BRCA1: variants seen among roughly 807,000 people sequenced by gnomAD.
BRCA1 encodes the protein BRCA1 DNA repair associated, also known as breast cancer type 1 susceptibility protein.
BRCA1 carries 140 observed loss-of-function variants against 173.7 expected under a neutral mutation model. The observed-to-expected ratio is 0.81, with a 90% confidence interval of 0.70 to 0.93. The LOEUF is 0.93. Ranked by LOEUF, BRCA1 falls within the 40% of genes least tolerant of loss-of-function variation. The pLI is 0.00. For missense variants in BRCA1, 1,983 were observed against 2,172.5 expected (o/e 0.91, Z 1.73); for synonymous variants, 662 against 756.0 (o/e 0.88, Z 2.04).
At chr17:43,106,601 C>A (rs1006091410) in intron 3 of BRCA1, 68 bp from the exon 4 acceptor site, 1 of 1,189,546 alleles carries the variant, frequency 8.4e-7, no homozygotes, top group African/African-American at 1.5e-5. Context: ...ACTCAAAAGG[C>A]AAATAGCCAT....
At chr17:43,049,085 G>T (rs1291031991) in intron 21 of BRCA1, 36 bp downstream of exon 21, 1 of 1,589,474 alleles carries the variant, frequency 6.3e-7, no homozygotes, top group South Asian at 1.1e-5. Context: ...AGAGAATATT[G>T]TGTCCTCCCT....
chr17:43,102,078 G>GTT (rs898927264), intron 6 of BRCA1, among the ~76,000 whole-genome samples: 50 of 143,892 alleles, frequency 3.5e-4, no homozygotes, highest in African/African-American at 1.2e-3. Flanking sequence ...AAGTTTTTTT[G>GTT]TTTTTTTTTT....
In BRCA1 at chr17:43,091,665, G is replaced by T; in HGVS notation, c.3866C>A (p.Thr1289Lys). 1 of 1,614,184 alleles carries T rather than the reference G, an allele frequency of 6.2e-7. No individual in the cohort carries two copies. Among genetic ancestry groups the T allele is most frequent in the Non-Finnish European group, 8.5e-7 (1 of 1,180,022 alleles). Reference sequence around the variant, plus strand: ...AGAAAACAAGCTAGCAGAACATTTTGTTTCCTCACTAAGGTGATGTTCCTG... The same window carrying T: ...AGAAAACAAGCTAGCAGAACATTTTTTTTCCTCACTAAGGTGATGTTCCTG... The part of the protein sequence containing the change: ...ASQEHHLSEE[T>K]KCSASLFSSQ... Residue 1289 changes from threonine to lysine, a missense_variant, in exon 10 of 23, where the codon ACA (threonine) becomes AAA (lysine). Physicochemically the swap from Thr to Lys is moderately conservative, Grantham distance 78. Transcript: ENST00000357654.
chr17:43,137,104 A>G (rs1255995862), intron 1 of BRCA1, among the ~76,000 whole-genome samples: 2 of 152,122 alleles, frequency 1.3e-5, no homozygotes, highest in East Asian at 3.8e-4. Flanking sequence ...TGCAGTCCTA[A>G]AAAATGATGA....
intron 3 of BRCA1, 152 bp downstream of exon 3, chr17:43,115,574 A>G (rs1238312648): frequency 2.7e-6 from 2 of 733,798 alleles, no homozygotes; most frequent in East Asian, 2.8e-5. Flanking sequence ...TTTGATAACT[A>G]TATACTCTCT....
At chr17:43,166,028 C>T (rs2056264437) in intron 1 of BRCA1, 1 of 151,760 alleles carries the variant, frequency 6.6e-6, no homozygotes, top group Admixed American at 6.6e-5. Flanking sequence ...GTATAGATGG[C>T]TTTTTTTTCT....
chr17:43,143,018 A>G (rs1034470027), intron 1 of BRCA1, among the ~76,000 whole-genome samples: 4 of 149,734 alleles, frequency 2.7e-5, no homozygotes, highest in Non-Finnish European at 5.9e-5. Context: ...GTGTGCATAT[A>G]TATGTATATA....
chr17:43,153,480 T>C (rs890586479), intron 1 of BRCA1: 1 of 152,226 alleles, frequency 6.6e-6, no homozygotes, highest in African/African-American at 2.4e-5. Flanking sequence ...AAAAATGATG[T>C]AATATATGTC....
rs1597924178 is a variant in BRCA1 at position 43,124,256 on chromosome 17, C to T, written c.-19-141G>A. ...ATACAAACCAAAGAACTAATGACAACGTCCTTTATTTTTAAAGATTCTAGA... is the reference window on the plus strand; with the variant it reads ...ATACAAACCAAAGAACTAATGACAATGTCCTTTATTTTTAAAGATTCTAGA... On this transcript the variant is annotated intron_variant, in intron 1 of 22. Transcript: ENST00000357654. The T allele has an allele frequency of 1.5e-5, 9 of 585,374 alleles. No individual in the cohort carries two copies. The East Asian group carries it at 1.8e-4, about 12-fold the overall frequency. 36.3% of individuals were successfully genotyped at this position (585,374 alleles called of 1,614,324 possible).
intron 3 of BRCA1, among the ~76,000 whole-genome samples, chr17:43,110,829 G>A (rs2055002646): frequency 1.3e-5 from 2 of 152,074 alleles, no homozygotes; most frequent in African/African-American, 4.8e-5. Flanking sequence ...GGCTGGGCGT[G>A]GTGGCTAATG....
intron 20 of BRCA1, chr17:43,050,180 G>C (rs529854239): frequency 5.0e-6 from 2 of 398,488 alleles, no homozygotes; most frequent in African/African-American, 4.1e-5. Context: ...GGCAAAGGTG[G>C]GTAGCTTTTG....
At chr17:43,146,154 T>G (rs1248333318) in intron 1 of BRCA1, among the ~76,000 whole-genome samples, 1 of 152,098 alleles carries the variant, frequency 6.6e-6, no homozygotes, top group East Asian at 1.9e-4. Context: ...TTGTGAACTG[T>G]GGGCCATACA....
rs987732791 is a variant in BRCA1, at chr17:43,067,789, T to C, written c.4987-94A>G. The C allele has an allele frequency of 2.9e-5, 27 of 928,944 alleles. No individual in the cohort carries two copies. The highest frequency in any genetic ancestry group is 4.1e-5 in the Non-Finnish European group (24 of 587,716). The allele number at this position is 928,944 out of a possible 1,614,324, so 57.5% of individuals were successfully genotyped here. A position where few individuals can be genotyped will look rare whatever the true frequency, so the allele number is the denominator to read the frequency against. On this transcript the variant is annotated intron_variant, in intron 15 of 22. Transcript: ENST00000357654. ...CCACCATGGCATATGTTTACCTATG[T>C]AGCAATCCTGCACGTTCTACACGTG...
intron 1 of BRCA1, chr17:43,144,787 G>A (rs1191033195): frequency 1.3e-5 from 5 of 375,540 alleles, no homozygotes; most frequent in African/African-American, 6.3e-5. Context: ...TTGGGAGGCC[G>A]AGGCAGGTGG....
rs764747111 is a variant in BRCA1, at chr17:43,139,875, T to C, written c.-19-15760A>G. 24 of 471,388 alleles carry C rather than the reference T, an allele frequency of 5.1e-5. 1 individual carries two copies. Among genetic ancestry groups the C allele is most frequent in the South Asian group, 3.7e-4 (24 of 64,616 alleles). 29.2% of individuals were successfully genotyped at this position (471,388 alleles called of 1,614,324 possible). The stretch of plus-strand genomic sequence containing the variant: ...GTTCCTACAAAAGAGATGATCTTGT[T>C]CTTTTTTATGATTGCACATCTTTTG... On this transcript the variant is annotated intron_variant, in intron 1 of 7. Coordinates refer to the BRCA1 transcript ENST00000634433.
rs4986847 is a variant in BRCA1 at position 43,092,758 on chromosome 17, T to G, written c.2773A>C (p.Ile925Leu). The change falls in exon 10 of 23, where the codon ATC becomes CTC. Residue 925 changes from isoleucine to leucine, a missense_variant. Transcript: ENST00000357654. ...SNIKPVQTVN[I>L]TAGFPVVGQK... ...CCAACCACAGGAAAGCCTGCAGTGATATTAACTGTCTGTACAGGCTTGATA... is the reference window on the plus strand; with the variant it reads ...CCAACCACAGGAAAGCCTGCAGTGAGATTAACTGTCTGTACAGGCTTGATA... 76 of 1,614,112 alleles carry G rather than the reference T, an allele frequency of 4.7e-5. No homozygotes were observed. In the African/African-American group the frequency reaches 8.3e-4, roughly 18 times the overall value.
In BRCA1 at chr17:43,123,226, A is replaced by T. The variant is rs35064666; in HGVS notation, c.80+791T>A. Among the ~76,000 whole-genome samples the T allele has an allele frequency of 3.1e-4, 45 of 146,238 alleles. 1 individual carries two copies. Among genetic ancestry groups the T allele is most frequent in the Admixed American group, 1.5e-3 (20 of 13,122 alleles). On this transcript the variant is annotated intron_variant, in intron 2 of 22. Coordinates refer to ENST00000357654, the MANE Select transcript of BRCA1 (RefSeq NM_007294.4). The stretch of plus-strand genomic sequence containing the variant: ...CAGCCTCTCGACAGAGATCCTATAT[A>T]AAAAAAAAACCTCTGCATTTCATTG...
In BRCA1 at chr17:43,044,649, TACA is replaced by T. The variant is rs2050794576; in HGVS notation, c.*1026_*1028del. The T allele has an allele frequency of 2.0e-6, 1 of 505,532 alleles. No homozygotes were observed. Among genetic ancestry groups the T allele is most frequent in the Non-Finnish European group, 3.9e-6 (1 of 258,328 alleles). 31.3% of individuals were successfully genotyped at this position (505,532 alleles called of 1,614,324 possible). On this transcript the variant is annotated 3_prime_UTR_variant, in exon 23 of 23. Transcript: ENST00000357654. ...AGAGGAATGGATTATATACCAGAGC[TACA>T]ACAATAAACATTTTACTTATTACTA...
intron 2 of BRCA1, among the ~76,000 whole-genome samples, chr17:43,119,658 TAAAAAG>T (rs1285288781): frequency 1.3e-5 from 2 of 152,312 alleles, no homozygotes; most frequent in Admixed American, 6.5e-5. Flanking sequence ...AATGTGACTT[TAAAAAG>T]AAAAACAACC....
Sources: gnomAD v4.1 joint callset for allele counts (sites outside exome capture counted in the v4.1 genomes callset) on GRCh38, gnomAD v4.1.1 for gene constraint, MANE v1.5 for transcripts, NCBI Gene and HGNC (gene_info 2026-07-23, HGNC 2026-07-21) for gene names.